The following ATL1 variants were observed in gnomAD, a reference collection of about 807,000 sequenced individuals.
ATL1 encodes atlastin GTPase 1.
A neutral mutation model predicts 75.5 loss-of-function variants in ATL1; 31 were observed. The ratio of observed to expected loss-of-function variants is 0.41; its 90% CI spans 0.31 to 0.55. The LOEUF (loss-of-function observed/expected upper bound fraction) is 0.55. ATL1 is among the 20% of genes least tolerant of loss of function. The probability of loss-of-function intolerance (pLI) is 0.27; values close to 1 mark genes in which losing one functional copy is unlikely to be tolerated. For synonymous variants in ATL1, 226 were observed against 233.3 expected (o/e 0.97, Z 0.28); for missense variants, 405 against 662.6 (o/e 0.61, Z 4.27).
intron 12 of ATL1, 89 bp downstream of exon 12, chr14:50,628,551 G>C (rs1464926707): frequency 9.5e-6 from 13 of 1,368,076 alleles, no homozygotes; most frequent in Admixed American, 5.9e-5. Context: ...TGGAAATACA[G>C]ATCAACAGGA....
At chr14:50,572,418 T>C (rs1319451028) in intron 1 of ATL1, among the ~76,000 whole-genome samples, 1 of 152,150 alleles carries the variant, frequency 6.6e-6, no homozygotes, top group Non-Finnish European at 1.5e-5. Flanking sequence ...TTCTATTTCT[T>C]CTTGAGTCAG....
intron 11 of ATL1, among the ~76,000 whole-genome samples, chr14:50,626,712 A>G (rs2039524080): frequency 6.6e-6 from 1 of 152,248 alleles, no homozygotes; most frequent in Non-Finnish European, 1.5e-5. Context: ...CAAATCAGGG[A>G]AAGTGTGGTA....
intron 6 of ATL1, among the ~76,000 whole-genome samples, chr14:50,610,318 A>G (rs2080301394): frequency 6.6e-6 from 1 of 152,110 alleles, no homozygotes; most frequent in African/African-American, 2.4e-5. Flanking sequence ...CCATAGCAAT[A>G]TTCCATGGAA....
intron 1 of ATL1, among the ~76,000 whole-genome samples, chr14:50,585,393 T>C (rs1289498881): frequency 6.6e-6 from 1 of 152,158 alleles, no homozygotes; most frequent in East Asian, 1.9e-4. Flanking sequence ...CTATCCAAAA[T>C]ATTATGTCTA....
intron 1 of ATL1, among the ~76,000 whole-genome samples, chr14:50,539,000 G>A (rs1044841037): frequency 6.6e-6 from 1 of 152,094 alleles, no homozygotes; most frequent in African/African-American, 2.4e-5. Flanking sequence ...TTTTATAAAT[G>A]GTCCTTTTAT....
intron 1 of ATL1, among the ~76,000 whole-genome samples, chr14:50,534,945 T>A (rs1179250639): frequency 6.6e-6 from 1 of 152,222 alleles, no homozygotes; most frequent in East Asian, 1.9e-4. Flanking sequence ...AAGGTTGAAG[T>A]TTATGTAATA....
intron 1 of ATL1, among the ~76,000 whole-genome samples, chr14:50,540,421 C>G (rs972519529): frequency 1.3e-5 from 2 of 152,098 alleles, no homozygotes; most frequent in Non-Finnish European, 2.9e-5. Context: ...AACCTGGAGT[C>G]CCTTAATTAA....
intron 8 of ATL1, among the ~76,000 whole-genome samples, chr14:50,617,840 A>G (rs2140229913): frequency 6.6e-6 from 1 of 152,324 alleles, no homozygotes; most frequent in East Asian, 1.9e-4. Context: ...TCATGTCTTT[A>G]CTGTGTTCAA....
chr14:50,595,689 C>A, intron 6 of ATL1, 57 bp downstream of exon 6: 1 of 1,482,386 alleles, frequency 6.7e-7, no homozygotes, highest in Non-Finnish European at 9.4e-7. Flanking sequence ...AGACTGTAAC[C>A]AGGTATATTA....
At chr14:50,543,228 T>C (rs987763806) in intron 1 of ATL1, among the ~76,000 whole-genome samples, 2 of 152,242 alleles carry the variant, frequency 1.3e-5, no homozygotes, top group South Asian at 2.1e-4. Context: ...ATAATTCAGT[T>C]ACTGCCACTA....
upstream of ATL1, among the ~76,000 whole-genome samples, chr14:50,558,552 T>C (rs1337928560): frequency 6.6e-6 from 1 of 152,238 alleles, no homozygotes; most frequent in Non-Finnish European, 1.5e-5. Flanking sequence ...CTCAAAGTAT[T>C]CACCTGCAGA....
chr14:50,597,220 C>CAAAAAAAAAAAAAAAAAA (rs372066395), intron 6 of ATL1, among the ~76,000 whole-genome samples: 97 of 108,212 alleles, frequency 9.0e-4, no homozygotes, highest in African/African-American at 2.3e-3. Flanking sequence ...AAAAAACAAA[C>CAAAAAAAAAAAAAAAAAA]AAAAAAAAAA....
At chr14:50,564,864 A>G (rs948122245) in intron 1 of ATL1, among the ~76,000 whole-genome samples, 4 of 151,984 alleles carry the variant, frequency 2.6e-5, no homozygotes, top group African/African-American at 9.7e-5. Context: ...TGAGTGTACT[A>G]TAGTTACCTC....
At chr14:50,577,125 C>T (rs1454999305) in intron 1 of ATL1, among the ~76,000 whole-genome samples, 1 of 152,076 alleles carries the variant, frequency 6.6e-6, no homozygotes, top group African/African-American at 2.4e-5. Context: ...TGCAGTGGCG[C>T]AATCTCAGCT....
At chr14:50,580,260 C>T (rs868568426) in intron 1 of ATL1, among the ~76,000 whole-genome samples, 3 of 152,116 alleles carry the variant, frequency 2.0e-5, no homozygotes, top group African/African-American at 4.8e-5. Flanking sequence ...TGCAGGTTTG[C>T]GTCTGAACAC....
At chr14:50,554,493 G>A (rs143479590) in intron 1 of ATL1, among the ~76,000 whole-genome samples, 1 of 152,180 alleles carries the variant, frequency 6.6e-6, no homozygotes, top group Non-Finnish European at 1.5e-5. Context: ...GGGGAATGGG[G>A]TGGATTGTAG....
intron 1 of ATL1, among the ~76,000 whole-genome samples, chr14:50,574,971 A>ATATATATATATATATATC (rs1234160143): frequency 6.9e-5 from 9 of 129,578 alleles, no homozygotes; most frequent in African/African-American, 2.7e-4. Flanking sequence ...ATATATATAT[A>ATATATATATATATATATC]TATATTAGCT....
intron 8 of ATL1, among the ~76,000 whole-genome samples, chr14:50,617,963 C>T (rs2039430456): frequency 6.6e-6 from 1 of 152,192 alleles, no homozygotes; most frequent in African/African-American, 2.4e-5. Flanking sequence ...AAGAGGGCTA[C>T]TGCCATCTTC....
chr14:50,544,383 TC>T (rs1017413403), intron 1 of ATL1, among the ~76,000 whole-genome samples: 2 of 152,168 alleles, frequency 1.3e-5, no homozygotes, highest in African/African-American at 2.4e-5. Context: ...ACTGAGACAC[TC>T]CCCCGTCTTA....
Sources: allele counts gnomAD v4.1 joint callset (sites outside exome capture counted in the v4.1 genomes callset), GRCh38; gene constraint gnomAD v4.1.1; transcripts MANE v1.5; gene names NCBI Gene and HGNC (gene_info 2026-07-23, HGNC 2026-07-21).